Variants in PLG observed in about 807,000 individuals in gnomAD.
PLG encodes the protein plasminogen, also known as plasmin.
Under a neutral mutation model 104.4 loss-of-function variants are expected in PLG, and 41 were observed. That is an observed-to-expected ratio of 0.39 (90% confidence interval 0.31 to 0.51). The LOEUF (loss-of-function observed/expected upper bound fraction) is 0.51, where lower values mean the gene tolerates loss of function less well. Among genes scored for constraint, PLG ranks in the 20% least tolerant of loss-of-function variants. PLG has a pLI of 0.76. For synonymous variants in PLG, 337 were observed against 357.1 expected (o/e 0.94, Z 0.63); for missense variants, 891 against 1,003.6 (o/e 0.89, Z 1.52).
In PLG at chr6:160,725,144, G is replaced by A. The variant is rs139802421; in HGVS notation, c.1256+2577G>A. ...GCAGGAGAATCACTTGAACCCAGGAGGTGGAGGTTGCAGTGAGCTGAGATC... is the reference window on the plus strand; with the variant it reads ...GCAGGAGAATCACTTGAACCCAGGAAGTGGAGGTTGCAGTGAGCTGAGATC... On this transcript the variant is annotated intron_variant, in intron 10 of 18. Transcript: ENST00000308192. The surrounding 1 kb of genome is among the most constrained non-coding windows in gnomAD (Gnocchi z 6.3). 6.6e-6 allele frequency among the ~76,000 whole-genome samples: 1 copy of A among 152,094 alleles called. No individual in the cohort carries two copies. Among genetic ancestry groups the A allele is most frequent in the Non-Finnish European group, 1.5e-5 (1 of 68,032 alleles).
intron 12 of PLG, among the ~76,000 whole-genome samples, 173 bp from the exon 13 acceptor site, chr6:160,733,822 C>T (rs1486372050): frequency 7.9e-5 from 10 of 125,938 alleles, no homozygotes; most frequent in South Asian, 4.8e-4. Flanking sequence ...CCAGCCTGGG[C>T]GACAAGAGCA....
In PLG at chr6:160,741,616, G is replaced by C. The variant is rs1778197646; in HGVS notation, c.2125+199G>C. Reference sequence around the variant, plus strand: ...TCAAAGGGAGGAAAACTGTGTCTTTGAGTCTCTCTCTCTCTCTCTGTTTTC... The same window carrying C: ...TCAAAGGGAGGAAAACTGTGTCTTTCAGTCTCTCTCTCTCTCTCTGTTTTC... On this transcript the variant is annotated intron_variant, in intron 17 of 18. Coordinates refer to ENST00000308192, the MANE Select transcript of PLG (RefSeq NM_000301.5). The surrounding 1 kb of genome is among the most constrained non-coding windows in gnomAD (Gnocchi z 4.7). Among the ~76,000 whole-genome samples, 1 of 152,012 alleles carries C rather than the reference G, an allele frequency of 6.6e-6. No individual in the cohort carries two copies. The highest frequency in any genetic ancestry group is 2.4e-5 in the African/African-American group (1 of 41,316).
At chr6:160,746,128 A>C (rs755143964) in intron 17 of PLG, among the ~76,000 whole-genome samples, 1 of 152,152 alleles carries the variant, frequency 6.6e-6, no homozygotes, top group East Asian at 1.9e-4. Context: ...CTTGTATAGA[A>C]TCTCACAGGG....
At chr6:160,712,064 G>A (rs1313107513) in intron 4 of PLG, 2 of 293,668 alleles carry the variant, frequency 6.8e-6, no homozygotes, top group Non-Finnish European at 1.1e-5. Context: ...ATATCCCTAT[G>A]AGATGAGCAG....
In PLG at chr6:160,731,813, C is replaced by T; in HGVS notation, c.1507C>T (p.Gln503Ter). The T allele has an allele frequency of 1.2e-6, 2 of 1,613,914 alleles. No individual in the cohort carries two copies. The highest frequency in any genetic ancestry group is 1.7e-6 in the Non-Finnish European group (2 of 1,179,826). Residue 503 changes from glutamine to a stop codon, truncating the protein, a stop_gained, in exon 12 of 19, where the codon CAG becomes TAG. Transcript: ENST00000308192. LOFTEE classifies it high-confidence loss of function. The surrounding 1 kb of genome is among the most constrained non-coding windows in gnomAD (Gnocchi z 5.1). ...RATTVTGTPC[Q>*]DWAAQEPHRH... ...GACCACTGTTACTGGGACGCCATGC[C>T]AGGACTGGGCTGCCCAGGAGCCCCA...
In PLG at chr6:160,718,716, G is replaced by A. The variant is rs746314667; in HGVS notation, c.974G>A (p.Arg325His). The A allele has an allele frequency of 2.5e-6, 4 of 1,613,762 alleles. No homozygotes were observed. The highest frequency in any genetic ancestry group is 3.4e-6 in the Non-Finnish European group (4 of 1,179,810). ...AGAAATTTGGATGAAAACTACTGCC[G>A]CAATCCTGACGGAAAAAGGGCCCCA... ...PCKNLDENYC[R>H]NPDGKRAPWC... The change falls in exon 9 of 19, where the codon CGC (arginine) becomes CAC (histidine). Residue 325 changes from arginine (R) to histidine (H), a missense_variant. Around this residue, in one of 2 missense-constraint regions of PLG, gnomAD observed 854 missense variants for 932.1 expected, o/e 0.92. Transcript: ENST00000308192.
rs537237724 is a variant in PLG at position 160,736,833 on chromosome 6, C to T, written c.1682-54C>T. 1.0e-4 allele frequency: 169 copies of T among 1,609,844 alleles called. 2 individuals are homozygous for T. The highest frequency in any genetic ancestry group is 8.3e-5 in the Non-Finnish European group (98 of 1,177,246). On this transcript the variant is annotated intron_variant, in intron 13 of 18. Transcript: ENST00000308192. The surrounding 1 kb of genome is among the most constrained non-coding windows in gnomAD (Gnocchi z 5.2). Reference sequence around the variant, plus strand: ...GCTTGGAATTTGTCTCGAATTACACCACAAAATTGCTACCTTGTCTCAAAT... The same window carrying T: ...GCTTGGAATTTGTCTCGAATTACACTACAAAATTGCTACCTTGTCTCAAAT...
chr6:160,728,281 AT>A (rs1777948731), intron 10 of PLG, among the ~76,000 whole-genome samples: 1 of 152,246 alleles, frequency 6.6e-6, no homozygotes, highest in Non-Finnish European at 1.5e-5. Context: ...ACTAAAAAAC[AT>A]TGTTAAGGAA....
chr6:160,733,461 T>C (rs889027113), intron 12 of PLG, among the ~76,000 whole-genome samples: 1 of 152,088 alleles, frequency 6.6e-6, no homozygotes, highest in African/African-American at 2.4e-5. Flanking sequence ...TGTGGCCTCA[T>C]AGCTCCTTTT....
chr6:160,711,478 C>A, intron 4 of PLG: 1 of 1,142,676 alleles, frequency 8.8e-7, no homozygotes, highest in Non-Finnish European at 1.2e-6. Flanking sequence ...TTTCCATCCA[C>A]AGTTGGTTGA....
intron 1 of PLG, among the ~76,000 whole-genome samples, chr6:160,705,001 GT>G (rs1467192478): frequency 6.6e-6 from 1 of 152,172 alleles, no homozygotes; most frequent in Non-Finnish European, 1.5e-5. Context: ...AGGGCTCGCT[GT>G]CTTCAGAGCC....
chr6:160,706,582 T>C (rs1477242097), intron 2 of PLG, 40 bp downstream of exon 2: 3 of 1,584,046 alleles, frequency 1.9e-6, no homozygotes, highest in African/African-American at 1.3e-5. Context: ...GAATCTGTAA[T>C]TCAGATGGCA....
intron 5 of PLG, chr6:160,713,385 T>C: frequency 4.9e-6 from 2 of 411,362 alleles, no homozygotes; most frequent in Non-Finnish European, 4.6e-6. Flanking sequence ...TTCTGCTACC[T>C]CAGCCTCCCA....
In PLG at chr6:160,731,782, G is replaced by C. The variant is rs778225357; in HGVS notation, c.1476G>C (p.Lys492Asn). 6.2e-7 allele frequency: 1 copy of C among 1,613,922 alleles called. No homozygotes were observed. Among genetic ancestry groups the C allele is most frequent in the Non-Finnish European group, 8.5e-7 (1 of 1,179,948 alleles). The change falls in exon 12 of 19, where the codon AAG becomes AAC. Residue 492 changes from lysine (K) to asparagine (N), a missense_variant. Lys to Asn is a moderately conservative substitution (Grantham distance 94). Transcript: ENST00000308192. The surrounding 1 kb of genome is among the most constrained non-coding windows in gnomAD (Gnocchi z 5.1). ...GGAATGGGAAAGGATACCGAGGCAA[G>C]AGGGCGACCACTGTTACTGGGACGC... ...MFGNGKGYRG[K>N]RATTVTGTPC...
At chr6:160,750,725 G>A (rs187885813) in intron 17 of PLG, among the ~76,000 whole-genome samples, 6 of 152,272 alleles carry the variant, frequency 3.9e-5, no homozygotes, top group African/African-American at 1.2e-4. Context: ...AAATGCAGTC[G>A]AAGGCTTTGG....
In PLG at chr6:160,741,567, T is replaced by C. The variant is rs1482852197; in HGVS notation, c.2125+150T>C. ...TTTTGCCTGGGCACCTGTCTATGTCTTAATCAGTCTTCAAGGCACATGATC... is the reference window on the plus strand; with the variant it reads ...TTTTGCCTGGGCACCTGTCTATGTCCTAATCAGTCTTCAAGGCACATGATC... On this transcript the variant is annotated intron_variant, in intron 17 of 18. Coordinates refer to ENST00000308192, the MANE Select transcript of PLG (RefSeq NM_000301.5). The surrounding 1 kb of genome is among the most constrained non-coding windows in gnomAD (Gnocchi z 4.7). The C allele has an allele frequency of 4.4e-6, 3 of 684,804 alleles. No individual in the cohort carries two copies. Among genetic ancestry groups the C allele is most frequent in the African/African-American group, 3.5e-5 (2 of 56,590 alleles). The allele number at this position is 684,804 out of a possible 1,614,324, so 42.4% of individuals were successfully genotyped here.
Position 160,752,095 on chromosome 6 carries a change from T to C in PLG, c.2126-20T>C. On this transcript the variant is annotated intron_variant, in intron 17 of 18. Coordinates refer to ENST00000308192, the MANE Select transcript of PLG (RefSeq NM_000301.5). The surrounding 1 kb of genome is among the most constrained non-coding windows in gnomAD (Gnocchi z 4.7). Reference sequence around the variant, plus strand: ...GTGTTTTGGGTGCAGTTGCCATTTCTTTCATCTTTTTAAACACAGGTACTT... The same window carrying C: ...GTGTTTTGGGTGCAGTTGCCATTTCCTTCATCTTTTTAAACACAGGTACTT... 1 of 1,611,598 alleles carries C rather than the reference T, an allele frequency of 6.2e-7. No homozygotes were observed. Among genetic ancestry groups the C allele is most frequent in the East Asian group, 2.2e-5 (1 of 44,838 alleles).
chr6:160,731,831 G>C lies in PLG; in HGVS notation c.1525G>C (p.Glu509Gln). Residue 509 changes from glutamate (E) to glutamine (Q), a missense_variant, in exon 12 of 19, where the codon GAG becomes CAG. This residue lies in a region of PLG where 854 missense variants were observed against 932.1 expected (regional missense o/e 0.92). Transcript: ENST00000308192. This position sits in a 1 kb window ranked among gnomAD's most constrained non-coding sequence, Gnocchi z 5.1. Reference sequence around the variant, plus strand: ...GCCATGCCAGGACTGGGCTGCCCAGGAGCCCCATAGACACAGCATTTTCAC... The same window carrying C: ...GCCATGCCAGGACTGGGCTGCCCAGCAGCCCCATAGACACAGCATTTTCAC... ...GTPCQDWAAQ[E>Q]PHRHSIFTPE... 1 of 1,613,980 alleles carries C rather than the reference G, an allele frequency of 6.2e-7. No homozygotes were observed.
rs4252154 is a variant in PLG at position 160,738,627 on chromosome 6, C to A, written c.1877+15C>A. The A allele has an allele frequency of 1.7e-3, 2,576 of 1,526,560 alleles. 45 individuals are homozygous for A. The African/African-American group carries it at 0.033, about 19-fold the overall frequency. The allele number at this position is 1,526,560 out of a possible 1,614,324, so 94.6% of individuals were successfully genotyped here. A position where few individuals can be genotyped will look rare whatever the true frequency, so the allele number is the denominator to read the frequency against. ...TGCTTGGAGAAGTATGTTTAGGGGACAATTGACATGAAGTCTTGTCTTAAA... is the reference window on the plus strand; with the variant it reads ...TGCTTGGAGAAGTATGTTTAGGGGAAAATTGACATGAAGTCTTGTCTTAAA... On this transcript the variant is annotated intron_variant, in intron 15 of 18. Transcript: ENST00000308192. This position sits in a 1 kb window ranked among gnomAD's most constrained non-coding sequence, Gnocchi z 6.8.
Sources: gnomAD v4.1 joint callset for allele counts (sites outside exome capture counted in the v4.1 genomes callset) on GRCh38, gnomAD v4.1.1 for gene constraint, gnomAD v4.1.1 regional missense constraint, Gnocchi (gnomAD v3.1) non-coding constraint, MANE v1.5 for transcripts, NCBI Gene and HGNC (gene_info 2026-07-23, HGNC 2026-07-21) for gene names.